DCC: variants seen among roughly 807,000 people sequenced by gnomAD.
DCC encodes the protein DCC netrin 1 receptor, also known as netrin receptor DCC.
A neutral mutation model predicts 172.5 loss-of-function variants in DCC; 58 were observed. The observed-to-expected ratio is 0.34, with a 90% CI of 0.27 to 0.42. The LOEUF (loss-of-function observed/expected upper bound fraction) is 0.42, where lower values mean the gene tolerates loss of function less well. Among genes scored for constraint, DCC ranks in the 10% least tolerant of loss-of-function variants. DCC has a pLI of 1.00. For synonymous variants in DCC, 709 were observed against 644.5 expected (o/e 1.10, Z -1.52); for missense variants, 1,740 against 1,791.0 (o/e 0.97, Z 0.51).
intron 1 of DCC, among the ~76,000 whole-genome samples, chr18:52,488,987 CT>C (rs2030365362): frequency 6.6e-6 from 1 of 152,044 alleles, no homozygotes; most frequent in Admixed American, 6.6e-5. Context: ...TCTTCATCAT[CT>C]TTTTTAGAGT....
intron 2 of DCC, among the ~76,000 whole-genome samples, chr18:52,813,189 T>C (rs1247639231): frequency 1.4e-5 from 2 of 145,840 alleles, no homozygotes; most frequent in Non-Finnish European, 3.0e-5. Flanking sequence ...TCTTCTTAAA[T>C]TTTCTGATAC....
At chr18:52,799,773 G>A (rs28730916) in intron 2 of DCC, among the ~76,000 whole-genome samples, 6,538 of 152,158 alleles carry the variant, frequency 0.043, 219 homozygotes, top group South Asian at 0.16. Context: ...TATTAATGCA[G>A]CTTGATTTCT....
chr18:53,012,143 G>C (rs780192326), intron 5 of DCC, among the ~76,000 whole-genome samples: 5 of 151,960 alleles, frequency 3.3e-5, no homozygotes, highest in Non-Finnish European at 5.9e-5. Context: ...ACAATTTCCT[G>C]TAAATATATG....
At position 53,486,816 on chromosome 18, in the gene DCC, G is replaced by A. The variant is rs183742883; in HGVS notation, c.3756G>A (p.Pro1252=). 5.7e-5 allele frequency: 92 copies of A among 1,613,924 alleles called. 1 individual carries two copies. The South Asian group carries it at 8.2e-4, about 14-fold the overall frequency. ...SNNPAVVSAI[P]VPTLESAQYP... is the part of the protein sequence containing the mutation. ...TTGCAGCTGTCGTGAGCGCCATCCC[G>A]GTGCCAACGCTAGAAAGTGCCCAGT... The change falls in exon 26 of 29, where the codon CCG becomes CCA. Residue 1252 remains proline, a synonymous_variant. Coordinates refer to ENST00000442544, the MANE Select transcript of DCC (RefSeq NM_005215.4).
At chr18:53,485,395 A>G (rs2045889066) in intron 25 of DCC, among the ~76,000 whole-genome samples, 2 of 152,164 alleles carry the variant, frequency 1.3e-5, no homozygotes, top group East Asian at 1.9e-4. Context: ...AAAAATAAAG[A>G]CAAGATTAGG....
At chr18:53,237,571 G>A (rs1322251233) in intron 12 of DCC, among the ~76,000 whole-genome samples, 2 of 152,068 alleles carry the variant, frequency 1.3e-5, no homozygotes, top group East Asian at 1.9e-4. Context: ...GCTAGTGACA[G>A]GTTTGCTATA....
chr18:52,997,492 A>G (rs569544755), intron 5 of DCC, among the ~76,000 whole-genome samples: 2 of 152,228 alleles, frequency 1.3e-5, no homozygotes, highest in South Asian at 4.1e-4. Flanking sequence ...ACATATGCCA[A>G]AATATGATAG....
chr18:52,637,978 A>T (rs1009407073), intron 1 of DCC, among the ~76,000 whole-genome samples: 1 of 152,202 alleles, frequency 6.6e-6, no homozygotes, highest in South Asian at 2.1e-4. Context: ...CTCAGCAGAA[A>T]CCCTACAAGC....
At chr18:52,574,906 C>G (rs2033375389) in intron 1 of DCC, among the ~76,000 whole-genome samples, 1 of 151,984 alleles carries the variant, frequency 6.6e-6, no homozygotes, top group South Asian at 2.1e-4. Context: ...AAATTTAACA[C>G]CTGTTTAGAA....
intron 26 of DCC, among the ~76,000 whole-genome samples, chr18:53,497,681 A>AGTCT (rs2046041597): frequency 6.6e-6 from 1 of 152,230 alleles, no homozygotes; most frequent in African/African-American, 2.4e-5. Flanking sequence ...TCCCCTTTAC[A>AGTCT]GTCTTAAAAG....
In DCC at chr18:53,094,256, G is replaced by A. The variant is rs148250279; in HGVS notation, c.1261+28090G>A. On this transcript the variant is annotated intron_variant, in intron 7 of 28. Coordinates refer to ENST00000442544, the MANE Select transcript of DCC (RefSeq NM_005215.4). ...TATTGCTTTAGATGTTGAATTAGTG[G>A]GTAGAAGATATGTACAGACAGTGTC... Among the ~76,000 whole-genome samples, 392 of 152,204 alleles carry A rather than the reference G, an allele frequency of 2.6e-3. 10 individuals carry two copies. The highest frequency in any genetic ancestry group is 0.019 in the East Asian group (97 of 5,156).
At chr18:53,219,978 G>T (rs2055906671) in intron 12 of DCC, among the ~76,000 whole-genome samples, 1 of 137,970 alleles carries the variant, frequency 7.2e-6, no homozygotes, top group Non-Finnish European at 1.7e-5. Context: ...AGGATGTGGT[G>T]CAACTTGTTG....
intron 1 of DCC, among the ~76,000 whole-genome samples, chr18:52,527,479 T>G (rs1332084253): frequency 6.6e-6 from 1 of 152,252 alleles, no homozygotes; most frequent in East Asian, 1.9e-4. Context: ...TTAATTGCAC[T>G]TAAATGATGG....
intron 5 of DCC, among the ~76,000 whole-genome samples, chr18:53,003,267 G>A (rs7504512): frequency 0.73 from 110,436 of 152,004 alleles, 40,275 homozygotes; most frequent in East Asian, 0.74. Context: ...ATTAAATAAC[G>A]GATTATTGAA....
At chr18:52,848,103 T>G in intron 2 of DCC, among the ~76,000 whole-genome samples, 1 of 131,856 alleles carries the variant, frequency 7.6e-6, no homozygotes, top group East Asian at 2.3e-4. Flanking sequence ...TTTTTTTTTT[T>G]GAGAAAGATT....
At chr18:52,539,386 C>T (rs559606630) in intron 1 of DCC, among the ~76,000 whole-genome samples, 3 of 152,206 alleles carry the variant, frequency 2.0e-5, no homozygotes, top group South Asian at 2.1e-4. Flanking sequence ...AGGCCGTGGA[C>T]TAGTATTGGT....
intron 15 of DCC, 112 bp from the exon 16 acceptor site, chr18:53,385,931 A>G: frequency 1.3e-6 from 1 of 778,248 alleles, no homozygotes; most frequent in South Asian, 1.4e-5. Context: ...TCATTCTTAA[A>G]CAATTTACCA....
intron 15 of DCC, among the ~76,000 whole-genome samples, chr18:53,340,909 G>C (rs2057652334): frequency 6.6e-6 from 1 of 152,106 alleles, no homozygotes; most frequent in Non-Finnish European, 1.5e-5. Flanking sequence ...AGCCTGATTT[G>C]AATTTGAATA....
intron 1 of DCC, among the ~76,000 whole-genome samples, chr18:52,561,398 T>C (rs1054434762): frequency 3.3e-5 from 5 of 151,792 alleles, no homozygotes; most frequent in East Asian, 1.9e-4. Context: ...CACACACACA[T>C]ATATAAATAT....
Sources: gnomAD v4.1 joint callset for allele counts (sites outside exome capture counted in the v4.1 genomes callset) on GRCh38, gnomAD v4.1.1 for gene constraint, MANE v1.5 for transcripts, NCBI Gene and HGNC (gene_info 2026-07-23, HGNC 2026-07-21) for gene names.